The following GRHL2 variants were observed in gnomAD, a reference collection of about 807,000 sequenced individuals.
GRHL2 encodes the protein grainyhead-like protein 2 homolog.
GRHL2 carries 21 observed loss-of-function variants against 83.8 expected under a neutral mutation model. The observed-to-expected ratio is 0.25, with a 90% CI of 0.18 to 0.36. The LOEUF (loss-of-function observed/expected upper bound fraction) is 0.36. GRHL2 is among the 10% of genes least tolerant of loss of function. GRHL2 has a pLI of 1.00. For missense variants in GRHL2, 623 were observed against 781.8 expected, an observed-to-expected ratio of 0.80 and a Z score of 2.42; for synonymous variants, 280 against 278.9, an observed-to-expected ratio of 1.00 and a Z score of -0.04.
intron 15 of GRHL2, among the ~76,000 whole-genome samples, chr8:101,665,582 G>A (rs758078545): frequency 1.3e-5 from 2 of 152,168 alleles, no homozygotes; most frequent in Non-Finnish European, 2.9e-5. Context: ...GATTTCAGTC[G>A]TGTCTCACAG....
chr8:101,492,648 C>T lies in GRHL2; in HGVS notation c.-122C>T. On this transcript the variant is annotated 5_prime_UTR_variant, in exon 1 of 16. Transcript: ENST00000646743. The stretch of plus-strand genomic sequence containing the variant: ...AGGGGGGACGGAAAAGCAGAATTAC[C>T]TGTAGCTCTTGTTCTGCCATCTCGG... 1.2e-6 allele frequency: 1 copy of T among 824,598 alleles called. No individual in the cohort carries two copies. The allele number at this position is 824,598 out of a possible 1,614,324, so 51.1% of individuals were successfully genotyped here.
intron 1 of GRHL2, among the ~76,000 whole-genome samples, chr8:101,530,312 G>A (rs1256072675): frequency 1.3e-5 from 2 of 152,142 alleles, no homozygotes; most frequent in African/African-American, 4.8e-5. Context: ...CCATGAAATG[G>A]TGTTTAAATG....
In GRHL2 at chr8:101,540,695, G is replaced by A. The variant is rs528948716; in HGVS notation, c.21-2546G>A. On this transcript the variant is annotated intron_variant, in intron 1 of 15. Coordinates refer to ENST00000646743, the MANE Select transcript of GRHL2 (RefSeq NM_024915.4). ...GCCCTTGACACACTTTTCATTGTGA[G>A]TTCACGCCAGTTCTCCATCACAAAG... 2.5e-3 allele frequency among the ~76,000 whole-genome samples: 387 copies of A among 152,304 alleles called. 2 individuals are homozygous for A. Among genetic ancestry groups the A allele is most frequent in the Non-Finnish European group, 4.1e-3 (281 of 68,030 alleles).
intron 1 of GRHL2, among the ~76,000 whole-genome samples, chr8:101,504,635 C>T (rs965561355): frequency 1.3e-5 from 2 of 151,060 alleles, no homozygotes; most frequent in East Asian, 3.9e-4. Context: ...TAGGCAAGGT[C>T]GGGTTTTTTT....
chr8:101,540,570 G>C (rs747957219), intron 1 of GRHL2, among the ~76,000 whole-genome samples: 1 of 152,138 alleles, frequency 6.6e-6, no homozygotes, highest in Non-Finnish European at 1.5e-5. Context: ...TCTGCTAAAC[G>C]TGCATTTCCC....
intron 2 of GRHL2, among the ~76,000 whole-genome samples, chr8:101,548,280 C>A (rs1811306827): frequency 6.6e-6 from 1 of 152,210 alleles, no homozygotes; most frequent in South Asian, 2.1e-4. Context: ...CGGTTGACCA[C>A]CTCAGAGAGA....
intron 7 of GRHL2, among the ~76,000 whole-genome samples, chr8:101,583,678 A>G (rs1812104058): frequency 6.6e-6 from 1 of 152,242 alleles, no homozygotes; most frequent in South Asian, 2.1e-4. Flanking sequence ...AATGGATCAC[A>G]AATAAAAAAA....
intron 14 of GRHL2, among the ~76,000 whole-genome samples, chr8:101,662,412 C>T (rs1397990720): frequency 6.6e-6 from 1 of 152,182 alleles, no homozygotes; most frequent in Non-Finnish European, 1.5e-5. Context: ...GGGAGTTCTT[C>T]CCGTGGGGTG....
intron 1 of GRHL2, among the ~76,000 whole-genome samples, chr8:101,513,219 G>C (rs1374064056): frequency 2.0e-5 from 3 of 151,970 alleles, no homozygotes; most frequent in Non-Finnish European, 4.4e-5. Flanking sequence ...TTTTTCTGAG[G>C]ATTTTATGTC....
chr8:101,508,602 C>A (rs1331229173), intron 1 of GRHL2, among the ~76,000 whole-genome samples: 1 of 152,036 alleles, frequency 6.6e-6, no homozygotes, highest in East Asian at 1.9e-4. Context: ...CAATTCACAG[C>A]CCTCATTCCT....
At chr8:101,575,127 C>T (rs1375058499) in intron 6 of GRHL2, among the ~76,000 whole-genome samples, 1 of 152,052 alleles carries the variant, frequency 6.6e-6, no homozygotes, top group Admixed American at 6.5e-5. Context: ...ATGTATTTCT[C>T]TCTGGATATA....
intron 14 of GRHL2, among the ~76,000 whole-genome samples, chr8:101,657,977 C>G (rs573363263): frequency 1.3e-3 from 203 of 152,326 alleles, no homozygotes; most frequent in Non-Finnish European, 2.2e-3. Flanking sequence ...GTGATCTCAT[C>G]CAGCCCCTGG....
At chr8:101,650,652 G>C (rs936412378) in intron 14 of GRHL2, among the ~76,000 whole-genome samples, 2 of 152,086 alleles carry the variant, frequency 1.3e-5, no homozygotes, top group African/African-American at 4.8e-5. Context: ...CCAGGGGATG[G>C]GGGTAGGAGG....
Position 101,596,581 on chromosome 8 carries a change from G to A in GRHL2, c.1004-2476G>A, listed in dbSNP as rs757019037. 4.5e-4 allele frequency among the ~76,000 whole-genome samples: 68 copies of A among 152,138 alleles called. 1 individual carries two copies. Among genetic ancestry groups the A allele is most frequent in the African/African-American group, 1.4e-3 (59 of 41,418 alleles). ...ACATAATTCAATTTAGTAGTATTTG[G>A]CCATTAAAAGTAATTTTACACCAGT... On this transcript the variant is annotated intron_variant, in intron 7 of 15. Coordinates refer to ENST00000646743, the MANE Select transcript of GRHL2 (RefSeq NM_024915.4).
intron 9 of GRHL2, 92 bp from the exon 10 acceptor site, chr8:101,631,545 T>C: frequency 9.8e-7 from 1 of 1,023,098 alleles, no homozygotes. Flanking sequence ...TCCCCTGTAT[T>C]GTTTCATATC....
chr8:101,520,223 A>G (rs1408069459), intron 1 of GRHL2, among the ~76,000 whole-genome samples: 2 of 152,214 alleles, frequency 1.3e-5, no homozygotes, highest in African/African-American at 4.8e-5. Context: ...TTTCTACCAT[A>G]GAGTATCTCT....
In GRHL2 at chr8:101,635,669, C is replaced by G. The variant is rs182946330; in HGVS notation, c.1486-1228C>G. On this transcript the variant is annotated intron_variant, in intron 11 of 15. Coordinates refer to ENST00000646743, the MANE Select transcript of GRHL2 (RefSeq NM_024915.4). ...TCCTATTCCTAGTACATCCCAATGACAGTTGCTCTGAATGCCACACTGAGA... is the reference window on the plus strand; with the variant it reads ...TCCTATTCCTAGTACATCCCAATGAGAGTTGCTCTGAATGCCACACTGAGA... Among the ~76,000 whole-genome samples the G allele has an allele frequency of 5.9e-5, 9 of 152,318 alleles. No individual in the cohort carries two copies. In the East Asian group the frequency reaches 1.7e-3, roughly 29 times the overall value.
the GRHL2 span, among the ~76,000 whole-genome samples, chr8:101,675,491 C>T: frequency 7.9e-5 from 12 of 151,902 alleles, no homozygotes; most frequent in African/African-American, 2.7e-4. Context: ...ACTTAGGAAT[C>T]CAACTTACAA....
At chr8:101,554,541 G>T (rs1811453080) in intron 3 of GRHL2, among the ~76,000 whole-genome samples, 1 of 152,158 alleles carries the variant, frequency 6.6e-6, no homozygotes, top group Non-Finnish European at 1.5e-5. Context: ...AAACTGCAGT[G>T]AAGTATAGAC....
Sources: gnomAD v4.1 joint callset for allele counts (sites outside exome capture counted in the v4.1 genomes callset) on GRCh38, gnomAD v4.1.1 for gene constraint, MANE v1.5 for transcripts, NCBI Gene and HGNC (gene_info 2026-07-23, HGNC 2026-07-21) for gene names.